OSBPL9: variants seen among roughly 807,000 people sequenced by gnomAD.
The protein encoded by OSBPL9 is oxysterol binding protein like 9, also known as oxysterol-binding protein-related protein 9.
Under a neutral mutation model 106.6 loss-of-function variants are expected in OSBPL9, and 40 were observed. That is an observed-to-expected ratio of 0.38 (90% CI 0.29 to 0.49). The LOEUF (loss-of-function observed/expected upper bound fraction) is 0.49, where lower values mean the gene tolerates loss of function less well. Ranked by LOEUF, OSBPL9 falls within the 20% of genes least tolerant of loss-of-function variation. The probability of loss-of-function intolerance (pLI) is 0.97; values close to 1 mark genes in which losing one functional copy is unlikely to be tolerated. For missense variants in OSBPL9, 609 were observed against 887.2 expected, an observed-to-expected ratio of 0.69 and a Z score of 3.98; for synonymous variants, 269 against 295.4, an observed-to-expected ratio of 0.91 and a Z score of 0.92.
rs551821807 is a variant in OSBPL9, at chr1:51,748,224, C to T, written c.463-145C>T. On this transcript the variant is annotated intron_variant, in intron 6 of 23. Transcript: ENST00000428468. Reference sequence around the variant, plus strand: ...GATTTAGATAAAAAACAAAATACAACAAAAAGTACTCCCTTCCCAACTTGC... The same window carrying T: ...GATTTAGATAAAAAACAAAATACAATAAAAAGTACTCCCTTCCCAACTTGC... 122 of 879,074 alleles carry T rather than the reference C, an allele frequency of 1.4e-4. No homozygotes were observed. In the African/African-American group the frequency reaches 1.7e-3, roughly 12 times the overall value. 54.5% of individuals were successfully genotyped at this position (879,074 alleles called of 1,614,324 possible). A position where few individuals can be genotyped will look rare whatever the true frequency, so the allele number is the denominator to read the frequency against.
At chr1:51,768,953 A>T (rs983741897) in intron 12 of OSBPL9, among the ~76,000 whole-genome samples, 1 of 152,136 alleles carries the variant, frequency 6.6e-6, no homozygotes, top group African/African-American at 2.4e-5. Flanking sequence ...CCTTGTTTGT[A>T]TATTCTAATC....
the OSBPL9 span, chr1:51,561,789 C>G: frequency 6.6e-6 from 1 of 152,108 alleles, no homozygotes; most frequent in Non-Finnish European, 1.5e-5. Context: ...TTATAAAGAC[C>G]AAGACTTATT....
chr1:51,689,954 T>C (rs1200061757), intron 3 of OSBPL9, among the ~76,000 whole-genome samples: 6 of 152,190 alleles, frequency 3.9e-5, no homozygotes. Flanking sequence ...TGTTCTCCCT[T>C]TTTCTGGATT....
Position 51,765,187 on chromosome 1 carries a change from A to G in OSBPL9, c.779-635A>G, listed in dbSNP as rs546043500. Among the ~76,000 whole-genome samples the G allele has an allele frequency of 4.4e-4, 67 of 152,216 alleles. No homozygotes were observed. In the South Asian group the frequency reaches 0.012, roughly 28 times the overall value. On this transcript the variant is annotated intron_variant, in intron 11 of 23. Coordinates refer to ENST00000428468, the MANE Select transcript of OSBPL9 (RefSeq NM_024586.6). ...CATTAATTTCCATTTCTTTAGTTAG[A>G]CTATTTAGGAATAGAAAAATGTTCT...
chr1:51,634,725 C>T (rs1279305048), intron 1 of OSBPL9, among the ~76,000 whole-genome samples: 5 of 152,134 alleles, frequency 3.3e-5, no homozygotes, highest in Admixed American at 6.5e-5. Context: ...TCTGTTCTCA[C>T]GCCGCTGACA....
intron 1 of OSBPL9, among the ~76,000 whole-genome samples, chr1:51,622,364 AATAGAG>A (rs1481296837): frequency 6.6e-6 from 1 of 152,118 alleles, no homozygotes; most frequent in Non-Finnish European, 1.5e-5. Flanking sequence ...GAGTGAGTAG[AATAGAG>A]ATCTTTGGAT....
chr1:51,711,444 C>CA (rs1659830438), intron 3 of OSBPL9, among the ~76,000 whole-genome samples: 2 of 126,956 alleles, frequency 1.6e-5, no homozygotes, highest in East Asian at 2.4e-4. Flanking sequence ...CTGGACGGGG[C>CA]GGCTGGCCGG....
chr1:51,523,165 C>T, the OSBPL9 span, among the ~76,000 whole-genome samples: 1 of 151,958 alleles, frequency 6.6e-6, no homozygotes. Flanking sequence ...CTGACATATC[C>T]CTGTCATTGA....
rs184706382 is a variant in OSBPL9, at chr1:51,689,757, A to G, written c.241+20245A>G. Among the ~76,000 whole-genome samples, 483 of 152,256 alleles carry G rather than the reference A, an allele frequency of 3.2e-3. 9 individuals carry two copies. Among genetic ancestry groups the G allele is most frequent in the South Asian group, 0.012 (60 of 4,824 alleles). On this transcript the variant is annotated intron_variant, in intron 3 of 23. Coordinates refer to ENST00000428468, the MANE Select transcript of OSBPL9 (RefSeq NM_024586.6). Reference sequence around the variant, plus strand: ...ATCTGATTTTCTTCCTGTTTTCTCTATGTTATAAAACAGCACTTCATTTAC... The same window carrying G: ...ATCTGATTTTCTTCCTGTTTTCTCTGTGTTATAAAACAGCACTTCATTTAC...
At chr1:51,742,090 T>G (rs1476177236) in intron 4 of OSBPL9, among the ~76,000 whole-genome samples, 2 of 152,216 alleles carry the variant, frequency 1.3e-5, no homozygotes, top group East Asian at 1.9e-4. Context: ...ATCAACAATT[T>G]CCAGTCACTG....
At chr1:51,704,749 G>C (rs1393350298) in intron 3 of OSBPL9, among the ~76,000 whole-genome samples, 1 of 152,138 alleles carries the variant, frequency 6.6e-6, no homozygotes, top group Non-Finnish European at 1.5e-5. Flanking sequence ...CTACCTTCAT[G>C]ACCTAATTAT....
At chr1:51,585,573 C>T (rs186977927) in intron 1 of OSBPL9, among the ~76,000 whole-genome samples, 2 of 152,150 alleles carry the variant, frequency 1.3e-5, no homozygotes, top group African/African-American at 2.4e-5. Context: ...GTCAGGAGTT[C>T]GAGACCAGCC....
At chr1:51,676,703 A>C (rs979492484) in intron 3 of OSBPL9, among the ~76,000 whole-genome samples, 6 of 152,036 alleles carry the variant, frequency 3.9e-5, no homozygotes, top group Non-Finnish European at 8.8e-5. Context: ...CAAAAATGAT[A>C]ATTATGTAAA....
the OSBPL9 span, among the ~76,000 whole-genome samples, chr1:51,540,220 A>AT: frequency 2.0e-5 from 3 of 151,110 alleles, no homozygotes; most frequent in South Asian, 6.4e-4. Context: ...TATTATTTTA[A>AT]ATTTTTTTTT....
rs114141401 is a variant in OSBPL9 at position 51,742,961 on chromosome 1, G to A, written c.319-2575G>A. On this transcript the variant is annotated intron_variant, in intron 4 of 23. Transcript: ENST00000428468. The stretch of plus-strand genomic sequence containing the variant: ...TGAAAAGAACTTCTGTGAATGGGAG[G>A]TTGAATTAGGTGACTGCTGTAAGTC... Among the ~76,000 whole-genome samples the A allele has an allele frequency of 2.6e-3, 398 of 152,248 alleles. 1 individual carries two copies. The highest frequency in any genetic ancestry group is 9.1e-3 in the African/African-American group (377 of 41,546).
the OSBPL9 span, among the ~76,000 whole-genome samples, chr1:51,550,535 C>T: frequency 3.0e-4 from 45 of 152,204 alleles, no homozygotes; most frequent in African/African-American, 7.2e-4. Context: ...TTTTTTGAGA[C>T]GGAGTCTCGC....
At chr1:51,635,690 G>T (rs1570689675) in intron 1 of OSBPL9, among the ~76,000 whole-genome samples, 1 of 152,028 alleles carries the variant, frequency 6.6e-6, no homozygotes, top group Admixed American at 6.6e-5. Flanking sequence ...ATTGAGCTCC[G>T]TGAAAGTGGT....
At chr1:51,740,365 G>T in intron 4 of OSBPL9, among the ~76,000 whole-genome samples, 1 of 151,408 alleles carries the variant, frequency 6.6e-6, no homozygotes, top group Non-Finnish European at 1.5e-5. Context: ...GTTTTCATTA[G>T]TTTTATTATA....
intron 1 of OSBPL9, among the ~76,000 whole-genome samples, chr1:51,643,963 C>T (rs541139603): frequency 1.3e-5 from 2 of 151,276 alleles, no homozygotes; most frequent in African/African-American, 4.9e-5. Context: ...GCCTGTAGTC[C>T]CAGCTACTCT....
Sources: gnomAD v4.1 joint callset for allele counts (sites outside exome capture counted in the v4.1 genomes callset) on GRCh38, gnomAD v4.1.1 for gene constraint, MANE v1.5 for transcripts, NCBI Gene and HGNC (gene_info 2026-07-23, HGNC 2026-07-21) for gene names.